The following SYN3 variants were observed in gnomAD, a reference collection of about 807,000 sequenced individuals.
SYN3 encodes the protein synapsin-3.
A neutral mutation model predicts 65.8 loss-of-function variants in SYN3; 35 were observed. The observed-to-expected ratio is 0.53, with a 90% CI of 0.41 to 0.70. SYN3 has a LOEUF of 0.70. SYN3 is among the 30% of genes least tolerant of loss of function. The pLI is 0.00. For missense variants in SYN3, 680 were observed against 749.0 expected (o/e 0.91, Z 1.08); for synonymous variants, 270 against 292.9 (o/e 0.92, Z 0.80).
chr22:32,564,834 CGG>C, intron 7 of SYN3, among the ~76,000 whole-genome samples: 1 of 150,564 alleles, frequency 6.6e-6, no homozygotes, highest in Non-Finnish European at 1.5e-5. Context: ...ACAGTGCTCC[CGG>C]ACTACACCCA....
intron 6 of SYN3, among the ~76,000 whole-genome samples, chr22:32,628,580 G>A (rs1442786659): frequency 6.6e-6 from 1 of 152,102 alleles, no homozygotes; most frequent in Non-Finnish European, 1.5e-5. Context: ...GAGACAGAGA[G>A]GTTAAAAGTC....
At chr22:32,542,580 G>A (rs1250783223) in intron 7 of SYN3, among the ~76,000 whole-genome samples, 2 of 150,534 alleles carry the variant, frequency 1.3e-5, no homozygotes, top group East Asian at 3.9e-4. Context: ...GCTGTGTGTG[G>A]TGTGTGTTGT....
At chr22:32,660,804 C>T (rs912867167) in intron 6 of SYN3, among the ~76,000 whole-genome samples, 5 of 151,990 alleles carry the variant, frequency 3.3e-5, no homozygotes, top group Middle Eastern at 3.4e-3. Context: ...GGGTCTTGGC[C>T]GAAAAAAAGT....
chr22:32,956,136 T>G, intron 3 of SYN3, among the ~76,000 whole-genome samples: 1 of 126,292 alleles, frequency 7.9e-6, no homozygotes, highest in East Asian at 2.4e-4. Flanking sequence ...ACAGAACCTG[T>G]CCCCCTCCCA....
In SYN3 at chr22:32,574,713, C is replaced by T. The variant is rs1469958611; in HGVS notation, c.774+21961G>A. On this transcript the variant is annotated intron_variant, in intron 7 of 13. Coordinates refer to ENST00000358763, the MANE Select transcript of SYN3 (RefSeq NM_003490.4). Reference sequence around the variant, plus strand: ...GTACTCCCTCTGCCTGCAAAGCTCTCGCTGCAGCCAGTCCCATAGCTAGGC... The same window carrying T: ...GTACTCCCTCTGCCTGCAAAGCTCTTGCTGCAGCCAGTCCCATAGCTAGGC... Among the ~76,000 whole-genome samples, 4 of 152,224 alleles carry T rather than the reference C, an allele frequency of 2.6e-5. No individual in the cohort carries two copies. In the East Asian group the frequency reaches 7.7e-4, roughly 29 times the overall value.
chr22:32,840,493 C>A (rs765506773), intron 6 of SYN3, among the ~76,000 whole-genome samples: 1 of 152,064 alleles, frequency 6.6e-6, no homozygotes, highest in African/African-American at 2.4e-5. Context: ...GGCTGCTCGC[C>A]GCTCCCCACC....
intron 1 of SYN3, among the ~76,000 whole-genome samples, chr22:33,011,218 A>T (rs2053344425): frequency 6.6e-6 from 1 of 152,136 alleles, no homozygotes; most frequent in South Asian, 2.1e-4. Context: ...TTTTTGGTAA[A>T]TCCACTTTAT....
chr22:32,708,269 TGG>T (rs1291978175), intron 6 of SYN3, among the ~76,000 whole-genome samples: 2 of 152,112 alleles, frequency 1.3e-5, no homozygotes, highest in East Asian at 3.9e-4. Context: ...CGGTGGTGCG[TGG>T]GGATAATACA....
At chr22:32,673,358 G>GC (rs2060397902) in intron 6 of SYN3, among the ~76,000 whole-genome samples, 1 of 152,224 alleles carries the variant, frequency 6.6e-6, no homozygotes, top group Non-Finnish European at 1.5e-5. Context: ...GTCAAGGGTT[G>GC]CCCCCAACAC....
intron 6 of SYN3, among the ~76,000 whole-genome samples, chr22:32,636,351 G>A (rs552815243): frequency 1.3e-5 from 2 of 149,766 alleles, no homozygotes; most frequent in African/African-American, 2.5e-5. Context: ...GCAGTGAGCC[G>A]AGATTGTGCC....
chr22:32,885,378 G>A (rs2049259578), intron 4 of SYN3, among the ~76,000 whole-genome samples: 1 of 152,156 alleles, frequency 6.6e-6, no homozygotes, highest in Admixed American at 6.5e-5. Context: ...CTCAAGGATG[G>A]ACTTTTGTTC....
chr22:32,673,942 G>A (rs2740993), intron 6 of SYN3, among the ~76,000 whole-genome samples: 13,475 of 152,114 alleles, frequency 0.089, 614 homozygotes, highest in African/African-American at 0.11. Flanking sequence ...AGAGTGGCAC[G>A]ATTGCATATG....
chr22:32,511,975 C>CAGTT lies in SYN3; in HGVS notation c.*1716_*1717insAACT, dbSNP rs2057695786. 6.6e-6 allele frequency among the ~76,000 whole-genome samples: 1 copy of CAGTT among 152,186 alleles called. No homozygotes were observed. The highest frequency in any genetic ancestry group is 6.5e-5 in the Admixed American group (1 of 15,276). ...AGTGGCTTTCTGGCAGCCAGGTGCA[C>CAGTT]AGCTAGCACTTTCAATACTGACCCA... is the stretch of plus-strand genomic sequence containing the variant. On this transcript the variant is annotated 3_prime_UTR_variant, in exon 14 of 14. Coordinates refer to ENST00000358763, the MANE Select transcript of SYN3 (RefSeq NM_003490.4).
chr22:32,792,619 C>A (rs1214877943), intron 6 of SYN3, among the ~76,000 whole-genome samples: 7 of 152,146 alleles, frequency 4.6e-5, no homozygotes, highest in African/African-American at 1.7e-4. Context: ...GAAGGGCACA[C>A]CCGCACCCCT....
In SYN3 at chr22:32,556,168, A is replaced by G. The variant is rs118021167; in HGVS notation, c.775-14455T>C. Among the ~76,000 whole-genome samples the G allele has an allele frequency of 7.2e-5, 11 of 152,380 alleles. No individual in the cohort carries two copies. The East Asian group carries it at 2.1e-3, about 29-fold the overall frequency. The stretch of plus-strand genomic sequence containing the variant: ...TTCACGTATTAAGTAGTTAGAGCGA[A>G]ATAGCTTATTAAGTGTTTACATCCT... On this transcript the variant is annotated intron_variant, in intron 7 of 13. Coordinates refer to ENST00000358763, the MANE Select transcript of SYN3 (RefSeq NM_003490.4).
chr22:32,673,901 C>A (rs1243792483), intron 6 of SYN3, among the ~76,000 whole-genome samples: 1 of 152,166 alleles, frequency 6.6e-6, no homozygotes, highest in Non-Finnish European at 1.5e-5. Context: ...GCAAAATCAT[C>A]TCCTGGGAGC....
At chr22:32,882,310 G>A (rs1014975101) in intron 4 of SYN3, among the ~76,000 whole-genome samples, 4 of 152,094 alleles carry the variant, frequency 2.6e-5, no homozygotes, top group African/African-American at 4.8e-5. Context: ...CACTCTGACC[G>A]CCTGGCTAAC....
At chr22:32,632,573 A>G (rs1455129314) in intron 6 of SYN3, among the ~76,000 whole-genome samples, 1 of 152,132 alleles carries the variant, frequency 6.6e-6, no homozygotes, top group African/African-American at 2.4e-5. Context: ...AGAATCTCCA[A>G]AGTTCCTTCC....
chr22:32,895,413 T>C (rs534232909), intron 4 of SYN3, among the ~76,000 whole-genome samples: 6 of 152,328 alleles, frequency 3.9e-5, no homozygotes, highest in African/African-American at 1.4e-4. Context: ...TATCTATCTA[T>C]TTATCTATCA....
Sources: allele counts gnomAD v4.1 joint callset (sites outside exome capture counted in the v4.1 genomes callset), GRCh38; gene constraint gnomAD v4.1.1; transcripts MANE v1.5; gene names NCBI Gene and HGNC (gene_info 2026-07-23, HGNC 2026-07-21).